The following MAD1L1 variants were observed in gnomAD, a reference collection of about 807,000 sequenced individuals.
MAD1L1 encodes mitotic arrest deficient 1 like 1.
Under a neutral mutation model 96.9 loss-of-function variants are expected in MAD1L1, and 95 were observed. That is an observed-to-expected ratio of 0.98 (90% CI 0.83 to 1.16). The LOEUF is 1.16. MAD1L1 is among the 50% of genes most tolerant of loss of function. The probability of loss-of-function intolerance (pLI) is 0.00; values close to 1 mark genes in which losing one functional copy is unlikely to be tolerated. For missense variants in MAD1L1, 1,007 were observed against 954.4 expected (o/e 1.06, Z -0.73); for synonymous variants, 473 against 396.6 (o/e 1.19, Z -2.29).
At chr7:1,963,006 G>T (rs1780012741) in intron 15 of MAD1L1, among the ~76,000 whole-genome samples, 2 of 152,186 alleles carry the variant, frequency 1.3e-5, no homozygotes, top group Non-Finnish European at 2.9e-5. Context: ...GCTGCATGCT[G>T]GTGAGGAGAA....
rs776286284 is a variant in MAD1L1, at chr7:1,898,103, C to T, written c.1998+97G>A. 3.4e-5 allele frequency: 44 copies of T among 1,301,164 alleles called. No homozygotes were observed. In the East Asian group the frequency reaches 4.5e-4, roughly 13 times the overall value. The allele number at this position is 1,301,164 out of a possible 1,614,324, so 80.6% of individuals were successfully genotyped here. On this transcript the variant is annotated intron_variant, in intron 18 of 18. Transcript: ENST00000265854. ...AGCCCTCCACACCATCCCCTTTGGA[C>T]GCGAGGCTGCTCCTTTGCTGAGGGC...
chr7:2,141,567 T>C (rs912907132), intron 11 of MAD1L1, among the ~76,000 whole-genome samples: 2 of 152,158 alleles, frequency 1.3e-5, no homozygotes, highest in South Asian at 4.1e-4. Flanking sequence ...AGGCACCGCA[T>C]GAGGGAGGGA....
intron 11 of MAD1L1, among the ~76,000 whole-genome samples, chr7:2,102,489 CACT>C (rs1786859481): frequency 1.3e-5 from 2 of 151,004 alleles, no homozygotes; most frequent in Non-Finnish European, 3.0e-5. Flanking sequence ...CACCACTCAC[CACT>C]GTCACCAATA....
At chr7:2,083,501 G>C (rs973795420) in intron 11 of MAD1L1, among the ~76,000 whole-genome samples, 2 of 152,224 alleles carry the variant, frequency 1.3e-5, no homozygotes, top group African/African-American at 4.8e-5. Flanking sequence ...CAGTCTCGAG[G>C]CACGGCGCTC....
chr7:2,060,378 C>T (rs1784601818), intron 12 of MAD1L1, among the ~76,000 whole-genome samples: 1 of 151,454 alleles, frequency 6.6e-6, no homozygotes, highest in Non-Finnish European at 1.5e-5. Flanking sequence ...TACACCGATG[C>T]CGAGATGTCA....
chr7:2,189,884 A>G (rs983082325), intron 10 of MAD1L1, among the ~76,000 whole-genome samples: 1 of 152,214 alleles, frequency 6.6e-6, no homozygotes, highest in Non-Finnish European at 1.5e-5. Context: ...AGACCCTAAA[A>G]CTAACCTCAT....
chr7:2,034,698 C>A (rs560334382), intron 12 of MAD1L1, among the ~76,000 whole-genome samples: 2 of 152,224 alleles, frequency 1.3e-5, no homozygotes, highest in African/African-American at 2.4e-5. Context: ...ATGGCACCTG[C>A]GCACGTGGGT....
intron 18 of MAD1L1, among the ~76,000 whole-genome samples, chr7:1,822,703 C>A (rs985261315): frequency 6.7e-6 from 1 of 149,464 alleles, no homozygotes; most frequent in African/African-American, 2.5e-5. Context: ...GGATTACAGG[C>A]GTGAGCCACC....
chr7:2,012,475 T>G (rs191404898), intron 13 of MAD1L1, among the ~76,000 whole-genome samples: 2 of 152,320 alleles, frequency 1.3e-5, no homozygotes, highest in Admixed American at 1.3e-4. Context: ...TTACGACAGC[T>G]CCCAGGTACA....
chr7:2,191,967 G>A (rs375419825), intron 10 of MAD1L1, among the ~76,000 whole-genome samples: 23 of 150,862 alleles, frequency 1.5e-4, no homozygotes, highest in African/African-American at 5.4e-4. Flanking sequence ...GCTGGCAGAG[G>A]TTGCAGTGAG....
intron 12 of MAD1L1, among the ~76,000 whole-genome samples, chr7:2,026,324 T>C (rs922568359): frequency 1.3e-5 from 2 of 152,028 alleles, no homozygotes; most frequent in African/African-American, 4.8e-5. Flanking sequence ...ACTGCAATAA[T>C]TGACAAAATT....
chr7:1,908,776 G>A (rs1787831886), intron 17 of MAD1L1, among the ~76,000 whole-genome samples: 1 of 152,144 alleles, frequency 6.6e-6, no homozygotes, highest in Non-Finnish European at 1.5e-5. Context: ...TCACTCCCCG[G>A]AAGTAGCAGA....
intron 16 of MAD1L1, among the ~76,000 whole-genome samples, chr7:1,938,780 AGAGACCAGGACTGGGACCAGAGGCG>A (rs1778756937): frequency 7.2e-6 from 1 of 139,134 alleles, no homozygotes. Flanking sequence ...GCACGCACAC[AGAGACCAGGACTGGGACCAGAGGCG>A]CACACACACA....
Position 2,230,095 on chromosome 7 carries a change from G to A in MAD1L1, c.39C>T (p.Thr13=), listed in dbSNP as rs753677469. 1.9e-6 allele frequency: 3 copies of A among 1,608,426 alleles called. No homozygotes were observed. The highest frequency in any genetic ancestry group is 2.2e-5 in the South Asian group (2 of 89,908). The change falls in exon 3 of 19, where the codon ACC becomes ACT. Residue 13 remains threonine (T), a synonymous_variant. Transcript: ENST00000265854. Reference sequence around the variant, plus strand: ...AGATGAAGTTGTTCAAAGATCTCAGGGTGGATAAAACCATGGTGTTTTCCC... The same window carrying A: ...AGATGAAGTTGTTCAAAGATCTCAGAGTGGATAAAACCATGGTGTTTTCCC... ...DLGENTMVLS[T]LRSLNNFISQ... is the part of the protein sequence containing the mutation.
At chr7:1,907,926 T>G (rs554997183) in intron 17 of MAD1L1, among the ~76,000 whole-genome samples, 2 of 152,144 alleles carry the variant, frequency 1.3e-5, no homozygotes, top group South Asian at 4.2e-4. Flanking sequence ...AGAGACAGGG[T>G]GACCGCCCTG....
At chr7:2,221,162 C>T (rs1417658397) in intron 5 of MAD1L1, 4 of 737,314 alleles carry the variant, frequency 5.4e-6, no homozygotes, top group Non-Finnish European at 8.8e-6. Context: ...CCCACCCCAC[C>T]GGGCACCGCC....
intron 12 of MAD1L1, among the ~76,000 whole-genome samples, chr7:2,016,837 A>T (rs939947): frequency 1.3e-5 from 2 of 152,210 alleles, no homozygotes; most frequent in Admixed American, 6.5e-5. Flanking sequence ...TTGTTTGCAC[A>T]GGAAGGTTTA....
At chr7:1,883,575 G>A (rs1024158391) in intron 18 of MAD1L1, among the ~76,000 whole-genome samples, 1 of 152,178 alleles carries the variant, frequency 6.6e-6, no homozygotes, top group Admixed American at 6.5e-5. Context: ...ACCAGGGGAC[G>A]GACAACTCCC....
chr7:2,071,046 G>A (rs1011320800), intron 11 of MAD1L1, among the ~76,000 whole-genome samples: 4 of 151,768 alleles, frequency 2.6e-5, no homozygotes, highest in African/African-American at 9.7e-5. Flanking sequence ...GTGGTTTGGG[G>A]AAGGGAAAGC....
Sources: allele counts gnomAD v4.1 joint callset (sites outside exome capture counted in the v4.1 genomes callset), GRCh38; gene constraint gnomAD v4.1.1; transcripts MANE v1.5; gene names NCBI Gene and HGNC (gene_info 2026-07-23, HGNC 2026-07-21).